PRKN: variants seen among roughly 807,000 people sequenced by gnomAD.
The protein encoded by PRKN is parkin RBR E3 ubiquitin protein ligase.
In PRKN, 56 loss-of-function variants were observed where a neutral mutation model predicts 59.5. That is an observed-to-expected ratio of 0.94 (90% CI 0.76 to 1.18). PRKN has a LOEUF of 1.18. Ranked by LOEUF, PRKN falls within the 50% of genes most tolerant of loss-of-function variation. PRKN has a pLI of 0.00. For missense variants in PRKN, 657 were observed against 596.4 expected, an observed-to-expected ratio of 1.10 and a Z score of -1.06; for synonymous variants, 250 against 222.1, an observed-to-expected ratio of 1.13 and a Z score of -1.12.
At chr6:161,680,775 A>ATATATATATTTTTTG in intron 7 of PRKN, among the ~76,000 whole-genome samples, 1 of 30,628 alleles carries the variant, frequency 3.3e-5, no homozygotes, top group African/African-American at 1.2e-4. Flanking sequence ...ATATATATAT[A>ATATATATATTTTTTG]TTTTTTTTTT....
At chr6:162,012,417 T>C (rs1038900994) in intron 5 of PRKN, among the ~76,000 whole-genome samples, 4 of 151,902 alleles carry the variant, frequency 2.6e-5, no homozygotes, top group African/African-American at 9.7e-5. Flanking sequence ...ATATACATAT[T>C]TAACTATATA....
At chr6:162,239,993 G>A (rs1001224713) in intron 3 of PRKN, among the ~76,000 whole-genome samples, 2 of 152,088 alleles carry the variant, frequency 1.3e-5, no homozygotes, top group African/African-American at 2.4e-5. Flanking sequence ...CTGTTCTCAT[G>A]AGATCTATGG....
chr6:161,627,605 C>G (rs1213799114), intron 7 of PRKN, among the ~76,000 whole-genome samples: 2 of 152,214 alleles, frequency 1.3e-5, no homozygotes, highest in Non-Finnish European at 2.9e-5. Flanking sequence ...ATGGGTGGAA[C>G]CCACACCAAA....
chr6:161,767,767 G>T (rs917121000), intron 7 of PRKN, among the ~76,000 whole-genome samples: 102 of 151,938 alleles, frequency 6.7e-4, no homozygotes, highest in Non-Finnish European at 1.4e-3. Flanking sequence ...GGCTGGGGGT[G>T]GGGGGCTGGG....
chr6:162,575,630 C>G (rs1780526510), intron 1 of PRKN, among the ~76,000 whole-genome samples: 2 of 152,156 alleles, frequency 1.3e-5, no homozygotes, highest in African/African-American at 4.8e-5. Flanking sequence ...CCAGATTTCT[C>G]AGCTCCAGAC....
At chr6:162,210,291 G>GTAGA (rs1785152205) in intron 3 of PRKN, among the ~76,000 whole-genome samples, 1 of 151,882 alleles carries the variant, frequency 6.6e-6, no homozygotes, top group African/African-American at 2.4e-5. Context: ...ATCTAACTCA[G>GTAGA]TAGACTGTGG....
chr6:161,836,757 C>T lies in PRKN; in HGVS notation c.735-50849G>A, dbSNP rs572194405. Among the ~76,000 whole-genome samples the T allele has an allele frequency of 1.2e-4, 18 of 152,286 alleles. 1 individual carries two copies. Among genetic ancestry groups the T allele is most frequent in the Admixed American group, 1.0e-3 (16 of 15,300 alleles). On this transcript the variant is annotated intron_variant, in intron 6 of 11. Coordinates refer to ENST00000366898, the MANE Select transcript of PRKN (RefSeq NM_004562.3). ...GCCCCTCGTCCACCCTGGCCATGAGCTCCCTCCCTTCCTCTACTAAAGCAT... is the reference window on the plus strand; with the variant it reads ...GCCCCTCGTCCACCCTGGCCATGAGTTCCCTCCCTTCCTCTACTAAAGCAT...
In PRKN at chr6:162,163,126, A is replaced by G. The variant is rs1269077658; in HGVS notation, c.534+38005T>C. ...GAATACCTTCTTAACAATTTCTTAA[A>G]GTGCTATGAATGCCTAGACTTCTAA... is the stretch of plus-strand genomic sequence containing the variant. On this transcript the variant is annotated intron_variant, in intron 4 of 11. Transcript: ENST00000366898. 2.0e-5 allele frequency among the ~76,000 whole-genome samples: 3 copies of G among 149,486 alleles called. 1 individual carries two copies. Among genetic ancestry groups the G allele is most frequent in the Non-Finnish European group, 4.4e-5 (3 of 67,502 alleles).
At chr6:161,374,740 T>G (rs1020565857) in intron 10 of PRKN, among the ~76,000 whole-genome samples, 1 of 147,278 alleles carries the variant, frequency 6.8e-6, no homozygotes, top group South Asian at 2.1e-4. Flanking sequence ...ATATGTGTGG[T>G]GTGTGTGTGT....
At chr6:161,875,368 AT>A (rs1794696555) in intron 6 of PRKN, among the ~76,000 whole-genome samples, 1 of 150,892 alleles carries the variant, frequency 6.6e-6, no homozygotes, top group African/African-American at 2.4e-5. Flanking sequence ...TAATTTTTGT[AT>A]TTTTTGTAGA....
chr6:162,417,989 G>A (rs559502695), intron 2 of PRKN, among the ~76,000 whole-genome samples: 9 of 152,218 alleles, frequency 5.9e-5, no homozygotes, highest in Admixed American at 3.9e-4. Context: ...CACATGACCC[G>A]GCAATTCTAC....
At chr6:162,223,580 T>C (rs925773825) in intron 3 of PRKN, among the ~76,000 whole-genome samples, 63 of 151,960 alleles carry the variant, frequency 4.1e-4, no homozygotes, top group African/African-American at 1.3e-3. Flanking sequence ...TCTATACGTA[T>C]GTGTATATTG....
chr6:162,652,328 C>T lies in PRKN; in HGVS notation c.7+75334G>A, dbSNP rs1212166483. 4.6e-5 allele frequency among the ~76,000 whole-genome samples: 7 copies of T among 152,152 alleles called. No homozygotes were observed. The South Asian group carries it at 6.2e-4, about 14-fold the overall frequency. On this transcript the variant is annotated intron_variant, in intron 1 of 11. Transcript: ENST00000366898. ...AGCGATCTTCTCAGCTCATTATGTA[C>T]ATACTTTCAGTGTGTTCTTAACTGC...
intron 5 of PRKN, among the ~76,000 whole-genome samples, chr6:162,051,768 C>G (rs987448897): frequency 2.0e-5 from 3 of 152,118 alleles, no homozygotes; most frequent in Non-Finnish European, 4.4e-5. Flanking sequence ...AAGAACGCAG[C>G]CTCTAGTGTC....
chr6:162,164,840 G>GA (rs150451529), intron 4 of PRKN, among the ~76,000 whole-genome samples: 2,727 of 148,226 alleles, frequency 0.018, 338 homozygotes, highest in African/African-American at 0.066. Context: ...TATTTCTCCA[G>GA]AAAAAATGGT....
chr6:162,644,378 G>A (rs1265842667), intron 1 of PRKN, among the ~76,000 whole-genome samples: 1 of 152,230 alleles, frequency 6.6e-6, no homozygotes, highest in Admixed American at 6.5e-5. Context: ...GTACTTGCAG[G>A]ATAAAAATGG....
At position 162,389,508 on chromosome 6, in the gene PRKN, T is replaced by C. The variant is rs181287494; in HGVS notation, c.171+53802A>G. On this transcript the variant is annotated intron_variant, in intron 2 of 11. Transcript: ENST00000366898. ...TGCTCATTTAAGAAAGAAAACAAAATAGACGTACACACAGCCCATTTGCAT... is the reference window on the plus strand; with the variant it reads ...TGCTCATTTAAGAAAGAAAACAAAACAGACGTACACACAGCCCATTTGCAT... Among the ~76,000 whole-genome samples the C allele has an allele frequency of 6.0e-3, 920 of 152,202 alleles. 12 individuals carry two copies. Among genetic ancestry groups the C allele is most frequent in the Admixed American group, 8.3e-3 (127 of 15,298 alleles).
chr6:161,900,536 ATAT>A (rs1395102134), intron 6 of PRKN, among the ~76,000 whole-genome samples: 2 of 114,362 alleles, frequency 1.7e-5, no homozygotes, highest in South Asian at 2.6e-4. Context: ...TCTTTTATAT[ATAT>A]TATAATATAC....
At chr6:162,439,247 G>A (rs1432693797) in intron 2 of PRKN, among the ~76,000 whole-genome samples, 1 of 151,982 alleles carries the variant, frequency 6.6e-6, no homozygotes, top group Non-Finnish European at 1.5e-5. Context: ...CCCTTTCTGA[G>A]TCCTCTGGAT....
Sources: gnomAD v4.1 joint callset for allele counts (sites outside exome capture counted in the v4.1 genomes callset) on GRCh38, gnomAD v4.1.1 for gene constraint, MANE v1.5 for transcripts, NCBI Gene and HGNC (gene_info 2026-07-23, HGNC 2026-07-21) for gene names.